The following LENG8 variants were observed in gnomAD, a reference collection of about 807,000 sequenced individuals.
LENG8 encodes leukocyte receptor cluster member 8, also known as leukocyte receptor cluster (LRC) member 8.
A neutral mutation model predicts 102.1 loss-of-function variants in LENG8; 28 were observed. The observed-to-expected ratio is 0.27, with a 90% CI of 0.20 to 0.38. The LOEUF is 0.38. LENG8 is among the 10% of genes least tolerant of loss of function. The probability of loss-of-function intolerance (pLI) is 1.00; values close to 1 mark genes in which losing one functional copy is unlikely to be tolerated. For missense variants in LENG8, 1,022 were observed against 1,113.9 expected (o/e 0.92, Z 1.17); for synonymous variants, 531 against 456.7 (o/e 1.16, Z -2.07).
At chr19:54,452,024 G>T (rs1569289186) in intron 2 of LENG8, 69 bp from the exon 3 acceptor site, 1 of 1,464,558 alleles carries the variant, frequency 6.8e-7, no homozygotes. Flanking sequence ...GCTGGAATTT[G>T]CCTCCCAACT....
chr19:54,453,557 G>A lies in LENG8; in HGVS notation c.327G>A (p.Gln109=), dbSNP rs200723228. The A allele has an allele frequency of 1.2e-6, 2 of 1,613,670 alleles. No individual in the cohort carries two copies. Among genetic ancestry groups the A allele is most frequent in the Middle Eastern group, 1.7e-4 (1 of 6,060 alleles). The change falls in exon 5 of 16, where the codon CAG becomes CAA. Residue 109 remains glutamine, a synonymous_variant. Transcript: ENST00000326764. ...CTGCGCCTTTGCAGAGCATGTACCAGAGCTATGGCTCCCCTTCCCAGTATG... is the reference window on the plus strand; with the variant it reads ...CTGCGCCTTTGCAGAGCATGTACCAAAGCTATGGCTCCCCTTCCCAGTATG... ...YSYYYPMSMY[Q]SYGSPSQYGM...
At chr19:54,451,480 A>G in intron 2 of LENG8, 98 bp downstream of exon 2, 1 of 1,202,162 alleles carries the variant, frequency 8.3e-7, no homozygotes, top group Non-Finnish European at 1.2e-6. Context: ...GCCTTAGGGG[A>G]GGTGATGCCA....
chr19:54,454,588 G>A lies in LENG8; in HGVS notation c.585G>A (p.Gln195=), dbSNP rs781284029. 5 of 1,601,810 alleles carry A rather than the reference G, an allele frequency of 3.1e-6. No individual in the cohort carries two copies. Among genetic ancestry groups the A allele is most frequent in the African/African-American group, 1.3e-5 (1 of 74,550 alleles). Residue 195 remains glutamine (Q), a synonymous_variant, in exon 6 of 16, where the codon CAG becomes CAA. Coordinates refer to ENST00000326764, the MANE Select transcript of LENG8 (RefSeq NM_052925.4). ...PGTAPATQHS[Q]AGPATGQAYG... ...CAGCTCCAGCCACACAGCACAGCCA[G>A]GCGGGGCCCGCCACGGGCCAGGCCT...
chr19:54,454,957 CT>C lies in LENG8; in HGVS notation c.687del (p.Thr231LeufsTer63). The C allele has an allele frequency of 6.2e-7, 1 of 1,614,210 alleles. No homozygotes were observed. The highest frequency in any genetic ancestry group is 8.5e-7 in the Non-Finnish European group (1 of 1,180,036). ...QQLWNRMKPA[P>X]GTGGLKFNIQ... ...GCTTTCGCTGCCCTCACAGCCGCCC[CT>C]GGGACTGGAGGTCTCAAGTTCAACA... On this transcript the variant is annotated frameshift_variant, in exon 7 of 16. Transcript: ENST00000326764. LOFTEE classifies it high-confidence loss of function.
In LENG8 at chr19:54,461,894, T is replaced by A. The variant is rs2084588114; in HGVS notation, c.*966T>A. 1 of 785,512 alleles carries A rather than the reference T, an allele frequency of 1.3e-6. No homozygotes were observed. Among genetic ancestry groups the A allele is most frequent in the Admixed American group, 1.9e-5 (1 of 52,786 alleles). The allele number at this position is 785,512 out of a possible 1,614,324, so 48.7% of individuals were successfully genotyped here. On this transcript the variant is annotated 3_prime_UTR_variant, in exon 16 of 16. Transcript: ENST00000326764. ...TGTCAGGCTGCTTTTTTTCCAGATGTTCCTCCTCTGCCTCCCCTTCCCCTC... is the reference window on the plus strand; with the variant it reads ...TGTCAGGCTGCTTTTTTTCCAGATGATCCTCCTCTGCCTCCCCTTCCCCTC...
intron 15 of LENG8, 176 bp from the exon 16 acceptor site, chr19:54,460,590 C>CCA (rs1660145781): frequency 7.1e-7 from 1 of 1,414,630 alleles, no homozygotes; most frequent in South Asian, 1.5e-5. Flanking sequence ...CACTAACCCC[C>CCA]CCCGGGCCCC....
At chr19:54,451,184 C>T (rs2123058347) in intron 1 of LENG8, 106 bp from the exon 2 acceptor site, 2 of 731,200 alleles carry the variant, frequency 2.7e-6, no homozygotes, top group Admixed American at 4.3e-5. Context: ...AGTCAGCCTC[C>T]CCTTTTCTGC....
Position 54,452,077 on chromosome 19 carries a change from T to C in LENG8, c.39-16T>C, listed in dbSNP as rs757129712. 2.5e-6 allele frequency: 4 copies of C among 1,599,386 alleles called. No homozygotes were observed. Among genetic ancestry groups the C allele is most frequent in the Non-Finnish European group, 3.4e-6 (4 of 1,169,084 alleles). ...TGGGGAGAACAGGTGTGACTTGATG[T>C]CCTCTCTCTCTGCAGGTCTTCTCAG... On this transcript the variant is annotated splice_polypyrimidine_tract_variant and intron_variant, in intron 2 of 15. Coordinates refer to ENST00000326764, the MANE Select transcript of LENG8 (RefSeq NM_052925.4).
chr19:54,458,685 C>T, intron 15 of LENG8, 164 bp downstream of exon 15: 5 of 1,551,666 alleles, frequency 3.2e-6, no homozygotes, highest in East Asian at 2.4e-5. Context: ...CTCTCCAGTT[C>T]CTCTTGCTCT....
intron 4 of LENG8, 100 bp downstream of exon 4, chr19:54,452,852 G>A (rs2084027308): frequency 1.2e-6 from 1 of 818,996 alleles, no homozygotes; most frequent in Non-Finnish European, 2.1e-6. Context: ...GGTGGTGGAT[G>A]GACTGGAGAT....
chr19:54,454,329 T>C, intron 5 of LENG8, 101 bp from the exon 6 acceptor site: 1 of 1,209,644 alleles, frequency 8.3e-7, no homozygotes, highest in South Asian at 1.4e-5. Flanking sequence ...GAGGGTTGAG[T>C]GCTGAGTGCT....
intron 7 of LENG8, 64 bp downstream of exon 7, chr19:54,455,156 C>G (rs530476898): frequency 8.1e-5 from 129 of 1,598,332 alleles, no homozygotes; most frequent in Middle Eastern, 5.0e-4. Context: ...ATGGTCCAGT[C>G]CCACTGGCCA....
At position 54,457,664 on chromosome 19, in the gene LENG8, C is replaced by G. The variant is rs1043007753; in HGVS notation, c.1732-83C>G. 8 of 975,470 alleles carry G rather than the reference C, an allele frequency of 8.2e-6. No homozygotes were observed. In the African/African-American group the frequency reaches 9.7e-5, roughly 12 times the overall value. The allele number at this position is 975,470 out of a possible 1,614,324, so 60.4% of individuals were successfully genotyped here. On this transcript the variant is annotated intron_variant, in intron 11 of 15. Coordinates refer to ENST00000326764, the MANE Select transcript of LENG8 (RefSeq NM_052925.4). ...CCTTTTTTTTCTTTTTTTAATGTTG[C>G]AACTCTCCCACCAAATAAGTGGAAG...
Position 54,461,155 on chromosome 19 carries a change from C to A in LENG8, c.*227C>A. Reference sequence around the variant, plus strand: ...ATGGGATTGGGGAGGAGGGGATGGGCAGCGGAGGGTTGGGGGCATGGTCTG... The same window carrying A: ...ATGGGATTGGGGAGGAGGGGATGGGAAGCGGAGGGTTGGGGGCATGGTCTG... On this transcript the variant is annotated 3_prime_UTR_variant, in exon 16 of 16. Transcript: ENST00000326764. 1 of 719,484 alleles carries A rather than the reference C, an allele frequency of 1.4e-6. No homozygotes were observed. Among genetic ancestry groups the A allele is most frequent in the Non-Finnish European group, 2.5e-6 (1 of 405,682 alleles). 44.6% of individuals were successfully genotyped at this position (719,484 alleles called of 1,614,324 possible).
chr19:54,453,698 G>A (rs1456545626), intron 5 of LENG8, 42 bp downstream of exon 5: 11 of 1,438,168 alleles, frequency 7.6e-6, no homozygotes, highest in African/African-American at 1.4e-5. Flanking sequence ...TCAAGCAGAG[G>A]AAGTGTAGAT....
rs1474680735 is a variant in LENG8 at position 54,456,062 on chromosome 19, G to T, written c.1121G>T (p.Arg374Met). Reference protein sequence around the residue: ...HPPRGAGSATRGGGAPSQRGT... With the variant: ...HPPRGAGSATMGGGAPSQRGT... Reference sequence around the variant, plus strand: ...CCTAGAGGGGCAGGCTCGGCGACAAGGGGCGGGGGTGCCCCGTCCCAGCGA... The same window carrying T: ...CCTAGAGGGGCAGGCTCGGCGACAATGGGCGGGGGTGCCCCGTCCCAGCGA... The change falls in exon 9 of 16, where the codon AGG (arginine) becomes ATG (methionine). Residue 374 changes from arginine (R) to methionine (M), a missense_variant. Physicochemically the swap from Arg to Met is moderately conservative, Grantham distance 91. Transcript: ENST00000326764. 6.2e-7 allele frequency: 1 copy of T among 1,610,250 alleles called. No homozygotes were observed. The highest frequency in any genetic ancestry group is 1.7e-5 in the Admixed American group (1 of 59,616).
rs775864281 is a variant in LENG8 at position 54,456,239 on chromosome 19, G to A, written c.1298G>A (p.Arg433His). 7 of 1,613,600 alleles carry A rather than the reference G, an allele frequency of 4.3e-6. No individual in the cohort carries two copies. Among genetic ancestry groups the A allele is most frequent in the African/African-American group, 1.3e-5 (1 of 74,906 alleles). Residue 433 changes from arginine to histidine, a missense_variant, in exon 9 of 16, where the codon CGC (arginine) becomes CAC (histidine). By Grantham distance (29) the Arg-to-His change is conservative. Transcript: ENST00000326764. ...TCCAGGTCCCCGACGCGCCACTTCC[G>A]CAGAAGGTACTGAGGCTCCCGGCTG... is the stretch of plus-strand genomic sequence containing the variant. ...SSSRSPTRHF[R>H]RSDSHSDSDS... is the part of the protein sequence containing the mutation.
Position 54,456,205 on chromosome 19 carries a change from C to CGCTCCT in LENG8, c.1265_1270dup (p.Ser423_Ser424insCysSer). On this transcript the variant is annotated inframe_insertion, in exon 9 of 16. Transcript: ENST00000326764. ...TTCTTCCAGCACAGACTCCCGCTCC[C>CGCTCCT]GCTCCTCCTCCAGGTCCCCGACGCG... The CGCTCCT allele has an allele frequency of 6.2e-7, 1 of 1,612,142 alleles. No homozygotes were observed. Among genetic ancestry groups the CGCTCCT allele is most frequent in the Non-Finnish European group, 8.5e-7 (1 of 1,178,874 alleles).
chr19:54,461,217 C>A lies in LENG8; in HGVS notation c.*289C>A. The A allele has an allele frequency of 1.6e-6, 1 of 643,174 alleles. No individual in the cohort carries two copies. The highest frequency in any genetic ancestry group is 2.9e-6 in the Non-Finnish European group (1 of 347,046). 39.8% of individuals were successfully genotyped at this position (643,174 alleles called of 1,614,324 possible). A position where few individuals can be genotyped will look rare whatever the true frequency, so the allele number is the denominator to read the frequency against. ...GTGTCCGCCTTTCACTCCACTAATG[C>A]TGTCTCAGTGTTTTCTCTCTCTCTC... On this transcript the variant is annotated 3_prime_UTR_variant, in exon 16 of 16. Transcript: ENST00000326764.
Sources: gnomAD v4.1 joint callset for allele counts on GRCh38, gnomAD v4.1.1 for gene constraint, MANE v1.5 for transcripts, NCBI Gene and HGNC (gene_info 2026-07-23, HGNC 2026-07-21) for gene names.